The following DLGAP2 variants were observed in gnomAD, a reference collection of about 807,000 sequenced individuals.
DLGAP2 encodes disks large-associated protein 2.
Under a neutral mutation model 100.3 loss-of-function variants are expected in DLGAP2, and 26 were observed. That is an observed-to-expected ratio of 0.26 (90% CI 0.19 to 0.36). DLGAP2 has a LOEUF of 0.36. DLGAP2 is among the 10% of genes least tolerant of loss of function. The pLI, the probability that DLGAP2 is intolerant of heterozygous loss-of-function variation, is 1.00. For synonymous variants in DLGAP2, 886 were observed against 630.1 expected (o/e 1.41, Z -6.08); for missense variants, 1,858 against 1,453.2 (o/e 1.28, Z -4.53).
At chr8:1,084,785 G>A (rs1034775955) in intron 2 of DLGAP2, among the ~76,000 whole-genome samples, 3 of 152,112 alleles carry the variant, frequency 2.0e-5, no homozygotes, top group Non-Finnish European at 4.4e-5. Context: ...TCCCTTGATG[G>A]ACACAGGTTG....
At chr8:1,577,973 C>T (rs1382347850) in intron 6 of DLGAP2, among the ~76,000 whole-genome samples, 1 of 152,204 alleles carries the variant, frequency 6.6e-6, no homozygotes, top group Non-Finnish European at 1.5e-5. Flanking sequence ...AATCTGATAA[C>T]GTTTTGTTGG....
At chr8:1,369,147 T>C (rs540621284) in intron 3 of DLGAP2, 14 of 152,320 alleles carry the variant, frequency 9.2e-5, no homozygotes, top group African/African-American at 3.4e-4. Context: ...TATAAAATAA[T>C]GGACAGCTTT....
chr8:843,755 G>A (rs1273611331), intron 1 of DLGAP2, among the ~76,000 whole-genome samples: 2 of 152,332 alleles, frequency 1.3e-5, no homozygotes, highest in African/African-American at 4.8e-5. Flanking sequence ...CATTCCTCAC[G>A]CAGAGTAGTT....
intron 3 of DLGAP2, among the ~76,000 whole-genome samples, chr8:1,364,505 G>C (rs1051053914): frequency 6.7e-6 from 1 of 149,984 alleles, no homozygotes; most frequent in Non-Finnish European, 1.5e-5. Flanking sequence ...GGAAGGGCGG[G>C]GGGGGTGCAG....
At chr8:1,061,738 T>A (rs1316317541) in intron 2 of DLGAP2, among the ~76,000 whole-genome samples, 1 of 150,544 alleles carries the variant, frequency 6.6e-6, no homozygotes, top group Non-Finnish European at 1.5e-5. Context: ...TTCCCTTCCC[T>A]CTCCCTCCCC....
chr8:946,969 C>T (rs933252995), intron 2 of DLGAP2, among the ~76,000 whole-genome samples: 8 of 152,140 alleles, frequency 5.3e-5, no homozygotes, highest in Non-Finnish European at 1.0e-4. Context: ...GGCTCTGGGA[C>T]GTCGGGTAGC....
intron 4 of DLGAP2, among the ~76,000 whole-genome samples, chr8:1,546,550 G>C (rs1157253418): frequency 2.6e-5 from 4 of 152,224 alleles, no homozygotes; most frequent in Admixed American, 6.5e-5. Flanking sequence ...CCTAGGACTA[G>C]TCACTTGGTA....
At chr8:819,803 G>C (rs1268903344) in intron 1 of DLGAP2, among the ~76,000 whole-genome samples, 2 of 152,202 alleles carry the variant, frequency 1.3e-5, no homozygotes, top group African/African-American at 2.4e-5. Flanking sequence ...ACTTGGTGTG[G>C]AGTGGTGCTT....
intron 1 of DLGAP2, among the ~76,000 whole-genome samples, chr8:841,544 A>G (rs1475527383): frequency 6.6e-6 from 1 of 152,200 alleles, no homozygotes; most frequent in African/African-American, 2.4e-5. Flanking sequence ...CATTGTTTCT[A>G]GACCCTTGTA....
intron 1 of DLGAP2, among the ~76,000 whole-genome samples, chr8:805,814 G>A (rs1223704657): frequency 2.0e-5 from 3 of 152,148 alleles, no homozygotes; most frequent in African/African-American, 7.2e-5. Flanking sequence ...GTGAGCCACC[G>A]CACGCAGCCT....
chr8:1,286,740 T>C (rs1799929865), intron 3 of DLGAP2, among the ~76,000 whole-genome samples: 2 of 152,232 alleles, frequency 1.3e-5, no homozygotes, highest in South Asian at 4.1e-4. Flanking sequence ...TCCACACTTA[T>C]CTTCAAAGTG....
intron 6 of DLGAP2, among the ~76,000 whole-genome samples, chr8:1,580,293 G>A (rs1201648074): frequency 6.6e-6 from 1 of 152,158 alleles, no homozygotes; most frequent in African/African-American, 2.4e-5. Flanking sequence ...CTAAGAAAGA[G>A]GCAGAGGGAA....
chr8:884,544 T>A (rs1797884485), intron 1 of DLGAP2, among the ~76,000 whole-genome samples: 1 of 152,184 alleles, frequency 6.6e-6, no homozygotes, highest in African/African-American at 2.4e-5. Context: ...CTTTGTCAGA[T>A]GGGTAGATTG....
chr8:1,162,602 G>A lies in DLGAP2; in HGVS notation c.74-96249G>A, dbSNP rs981512014. Among the ~76,000 whole-genome samples, 23 of 152,350 alleles carry A rather than the reference G, an allele frequency of 1.5e-4. No individual in the cohort carries two copies. In the South Asian group the frequency reaches 1.7e-3, roughly 11 times the overall value. On this transcript the variant is annotated intron_variant, in intron 2 of 14. Transcript: ENST00000637795. ...ATTCAGAATAAATGATGTGCAATGT[G>A]AGCGTGCATAGCTTGAAGTTCCATC...
intron 2 of DLGAP2, among the ~76,000 whole-genome samples, chr8:969,163 C>G (rs969647799): frequency 2.0e-5 from 3 of 152,196 alleles, no homozygotes; most frequent in African/African-American, 7.2e-5. Context: ...ACGCAATCCC[C>G]TCAAAGACCT....
intron 3 of DLGAP2, among the ~76,000 whole-genome samples, chr8:1,499,171 G>T (rs564333078): frequency 6.6e-6 from 1 of 152,330 alleles, no homozygotes; most frequent in African/African-American, 2.4e-5. Context: ...CAAATCGCAG[G>T]CTTCCGATAC....
intron 2 of DLGAP2, among the ~76,000 whole-genome samples, chr8:1,013,151 A>G (rs1413993493): frequency 6.6e-6 from 1 of 152,158 alleles, no homozygotes; most frequent in Admixed American, 6.5e-5. Context: ...AGTTACTGAA[A>G]GGCCTGTGCT....
intron 11 of DLGAP2, 120 bp from the exon 12 acceptor site, chr8:1,678,094 T>C (rs1585055052): frequency 1.8e-6 from 2 of 1,133,984 alleles, no homozygotes; most frequent in East Asian, 4.8e-5. Context: ...AAACACTACC[T>C]GCCCTTGAGC....
intron 2 of DLGAP2, among the ~76,000 whole-genome samples, chr8:974,950 A>G (rs186840176): frequency 1.3e-4 from 20 of 152,362 alleles, no homozygotes; most frequent in African/African-American, 4.3e-4. Context: ...ACTTAAGCCA[A>G]GAGCTTGTTC....
Sources: gnomAD v4.1 joint callset for allele counts (sites outside exome capture counted in the v4.1 genomes callset) on GRCh38, gnomAD v4.1.1 for gene constraint, MANE v1.5 for transcripts, NCBI Gene and HGNC (gene_info 2026-07-23, HGNC 2026-07-21) for gene names.